The following TPST1 variants were observed in gnomAD, a reference collection of about 807,000 sequenced individuals.
TPST1 encodes protein-tyrosine sulfotransferase 1.
TPST1 carries 20 observed loss-of-function variants against 34.8 expected under a neutral mutation model. The ratio of observed to expected loss-of-function variants is 0.57; its 90% CI spans 0.40 to 0.84. The LOEUF is 0.84. TPST1 is among the 40% of genes least tolerant of loss of function. The probability of loss-of-function intolerance (pLI) is 0.00; values close to 1 mark genes in which losing one functional copy is unlikely to be tolerated. For missense variants in TPST1, 353 were observed against 455.5 expected, an observed-to-expected ratio of 0.78 and a Z score of 2.05; for synonymous variants, 152 against 159.4, an observed-to-expected ratio of 0.95 and a Z score of 0.35.
intron 1 of TPST1, among the ~76,000 whole-genome samples, chr7:66,221,992 G>A (rs779015340): frequency 1.3e-5 from 2 of 151,788 alleles, no homozygotes; most frequent in South Asian, 2.1e-4. Flanking sequence ...TTTCATTTTC[G>A]ATGTTTATTT....
intron 1 of TPST1, among the ~76,000 whole-genome samples, chr7:66,206,494 T>C (rs1380457414): frequency 6.6e-6 from 1 of 152,120 alleles, no homozygotes; most frequent in Non-Finnish European, 1.5e-5. Flanking sequence ...GCAGGAGAAA[T>C]TGGTGAACTC....
intron 1 of TPST1, among the ~76,000 whole-genome samples, chr7:66,230,387 C>T (rs772501262): frequency 7.2e-5 from 11 of 152,214 alleles, no homozygotes; most frequent in South Asian, 2.1e-4. Flanking sequence ...AATGAAGCCG[C>T]GGACCCTCGC....
chr7:66,345,629 G>T lies in TPST1; in HGVS notation c.1045-6876G>T, dbSNP rs1792333528. Among the ~76,000 whole-genome samples, 3 of 151,776 alleles carry T rather than the reference G, an allele frequency of 2.0e-5. No homozygotes were observed. The South Asian group carries it at 6.2e-4, about 32-fold the overall frequency. ...AGGAAAAAAAACACCTATGGAGAGT[G>T]GAGTGAAATATCTCTATATTTATTA... On this transcript the variant is annotated intron_variant, in intron 3 of 5. Transcript: ENST00000304842.
At chr7:66,279,756 G>T (rs948911402) in intron 2 of TPST1, among the ~76,000 whole-genome samples, 1 of 152,028 alleles carries the variant, frequency 6.6e-6, no homozygotes, top group African/African-American at 2.4e-5. Flanking sequence ...AATTCTAGAG[G>T]GCCCAGAGAT....
chr7:66,333,473 A>G (rs1230779250), intron 3 of TPST1, among the ~76,000 whole-genome samples: 2 of 152,234 alleles, frequency 1.3e-5, no homozygotes, highest in East Asian at 3.9e-4. Context: ...TAGAGATGCC[A>G]CAGGTGGAAC....
At chr7:66,313,663 A>G (rs1426964853) in intron 3 of TPST1, among the ~76,000 whole-genome samples, 1 of 152,196 alleles carries the variant, frequency 6.6e-6, no homozygotes, top group Non-Finnish European at 1.5e-5. Flanking sequence ...GAACTACAGT[A>G]GTGGAGCAAT....
At chr7:66,329,020 T>C (rs752828880) in intron 3 of TPST1, among the ~76,000 whole-genome samples, 5 of 144,156 alleles carry the variant, frequency 3.5e-5, no homozygotes, top group Non-Finnish European at 6.0e-5. Flanking sequence ...CAAGCAATTC[T>C]CCTGCCTCAG....
chr7:66,215,318 A>G (rs1182467777), intron 1 of TPST1, among the ~76,000 whole-genome samples: 2 of 150,104 alleles, frequency 1.3e-5, no homozygotes, highest in Non-Finnish European at 3.0e-5. Context: ...CTCCCCTCCC[A>G]AAGTGTTAGG....
intron 2 of TPST1, among the ~76,000 whole-genome samples, chr7:66,269,102 AT>A (rs1462450844): frequency 6.6e-6 from 1 of 152,242 alleles, no homozygotes; most frequent in African/African-American, 2.4e-5. Context: ...CAGTAGGTTG[AT>A]TAGCACCAAA....
chr7:66,203,184 C>T (rs145559982), upstream of TPST1, among the ~76,000 whole-genome samples: 21 of 151,458 alleles, frequency 1.4e-4, no homozygotes, highest in East Asian at 2.7e-3. Flanking sequence ...CACATATATA[C>T]ACACACACAC....
intron 2 of TPST1, among the ~76,000 whole-genome samples, chr7:66,285,978 T>C (rs1188678562): frequency 6.6e-6 from 1 of 152,234 alleles, no homozygotes; most frequent in Non-Finnish European, 1.5e-5. Flanking sequence ...TAGTGGTTTA[T>C]GGTTGGCAGT....
At chr7:66,357,119 G>A in intron 5 of TPST1, among the ~76,000 whole-genome samples, 1 of 152,176 alleles carries the variant, frequency 6.6e-6, no homozygotes, top group Non-Finnish European at 1.5e-5. Context: ...CAAGAGCCTG[G>A]CTCATAATAA....
intron 3 of TPST1, among the ~76,000 whole-genome samples, chr7:66,323,240 C>G: frequency 6.6e-6 from 1 of 152,168 alleles, no homozygotes; most frequent in Non-Finnish European, 1.5e-5. Flanking sequence ...ATTGGGCCAT[C>G]TATCCAGACC....
chr7:66,224,874 A>G lies in TPST1; in HGVS notation c.-101-15451A>G, dbSNP rs188587112. ...AGTGCTTTTTCTCTCCCCTGGAGAT[A>G]AAACTGAGCCTGAACATTCTGGTAT... On this transcript the variant is annotated intron_variant, in intron 1 of 5. Transcript: ENST00000304842. 3.7e-4 allele frequency among the ~76,000 whole-genome samples: 55 copies of G among 146,952 alleles called. No homozygotes were observed. The East Asian group carries it at 0.011, about 29-fold the overall frequency.
chr7:66,240,081 G>T lies in TPST1; in HGVS notation c.-101-244G>T, dbSNP rs533441873. On this transcript the variant is annotated intron_variant, in intron 1 of 5. Transcript: ENST00000304842. Reference sequence around the variant, plus strand: ...TGTATTTTTTTTTAGTAGAGATGGGGTTTCACCGTGTTGGCCGGGATGGTC... The same window carrying T: ...TGTATTTTTTTTTAGTAGAGATGGGTTTTCACCGTGTTGGCCGGGATGGTC... Among the ~76,000 whole-genome samples, 5 of 152,068 alleles carry T rather than the reference G, an allele frequency of 3.3e-5. 1 individual carries two copies. In the South Asian group the frequency reaches 8.3e-4, roughly 25 times the overall value.
intron 2 of TPST1, among the ~76,000 whole-genome samples, chr7:66,245,588 T>C (rs1473068706): frequency 2.0e-5 from 3 of 152,232 alleles, no homozygotes; most frequent in Non-Finnish European, 4.4e-5. Flanking sequence ...CAGATGGTCC[T>C]AGGAGAAGGT....
At chr7:66,282,244 A>G (rs1790946697) in intron 2 of TPST1, among the ~76,000 whole-genome samples, 1 of 152,194 alleles carries the variant, frequency 6.6e-6, no homozygotes, top group Non-Finnish European at 1.5e-5. Context: ...TCTCAGTTCC[A>G]GGCCCATTTC....
At chr7:66,346,567 C>T (rs1369524960) in intron 3 of TPST1, among the ~76,000 whole-genome samples, 1 of 152,114 alleles carries the variant, frequency 6.6e-6, no homozygotes, top group Non-Finnish European at 1.5e-5. Flanking sequence ...ATTTGCATCT[C>T]CCTGATGGTC....
intron 2 of TPST1, among the ~76,000 whole-genome samples, chr7:66,264,413 C>T (rs1287804087): frequency 6.6e-6 from 1 of 152,162 alleles, no homozygotes; most frequent in Non-Finnish European, 1.5e-5. Context: ...TCTGTGAAAG[C>T]AGGAAGTGAA....
Sources: allele counts gnomAD v4.1 joint callset (sites outside exome capture counted in the v4.1 genomes callset), GRCh38; gene constraint gnomAD v4.1.1; transcripts MANE v1.5; gene names NCBI Gene and HGNC (gene_info 2026-07-23, HGNC 2026-07-21).